The following RCOR1 variants were observed in gnomAD, a reference collection of about 807,000 sequenced individuals.
The protein encoded by RCOR1 is REST corepressor.
RCOR1 carries 12 observed loss-of-function variants against 64.0 expected under a neutral mutation model. That is an observed-to-expected ratio of 0.19 (90% CI 0.12 to 0.30). The LOEUF (loss-of-function observed/expected upper bound fraction) is 0.30, where lower values mean the gene tolerates loss of function less well. Among genes scored for constraint, RCOR1 ranks in the 10% least tolerant of loss-of-function variants. The pLI, the probability that RCOR1 is intolerant of heterozygous loss-of-function variation, is 1.00. For missense variants in RCOR1, 502 were observed against 621.2 expected, an observed-to-expected ratio of 0.81 and a Z score of 2.04; for synonymous variants, 279 against 227.2, an observed-to-expected ratio of 1.23 and a Z score of -2.05.
intron 2 of RCOR1, among the ~76,000 whole-genome samples, chr14:102,676,643 C>T (rs1290422235): frequency 6.3e-5 from 7 of 111,402 alleles, no homozygotes; most frequent in Admixed American, 5.6e-4. Flanking sequence ...CTGATCCCCC[C>T]ACCTCCCTCC....
chr14:102,654,384 G>T (rs1216197690), intron 2 of RCOR1, among the ~76,000 whole-genome samples: 1 of 152,136 alleles, frequency 6.6e-6, no homozygotes, highest in Non-Finnish European at 1.5e-5. Flanking sequence ...TAAAAATGAA[G>T]AGTAGGTAAA....
intron 3 of RCOR1, among the ~76,000 whole-genome samples, chr14:102,687,983 T>G (rs900387697): frequency 2.9e-5 from 4 of 138,216 alleles, no homozygotes; most frequent in African/African-American, 1.2e-4. Context: ...TTTTTTTTTT[T>G]GAGATAGAGG....
Position 102,719,116 on chromosome 14 carries a change from A to C in RCOR1, c.1054-1891A>C, listed in dbSNP as rs547276844. ...TAATTTTTTTTTGGCAGGGTCTGGC[A>C]CTGTCACCCAGGCTGAAGTGCAGTG... On this transcript the variant is annotated intron_variant, in intron 8 of 11. Transcript: ENST00000262241. 2.0e-5 allele frequency among the ~76,000 whole-genome samples: 3 copies of C among 151,946 alleles called. No homozygotes were observed. The East Asian group carries it at 5.8e-4, about 29-fold the overall frequency.
At chr14:102,629,785 G>A (rs950676563) in intron 2 of RCOR1, among the ~76,000 whole-genome samples, 2 of 152,154 alleles carry the variant, frequency 1.3e-5, no homozygotes, top group Non-Finnish European at 2.9e-5. Flanking sequence ...GTGTTAAAGA[G>A]ATTTACAAAC....
chr14:102,612,777 C>G (rs756609361), intron 2 of RCOR1, among the ~76,000 whole-genome samples: 3 of 151,594 alleles, frequency 2.0e-5, no homozygotes, highest in Non-Finnish European at 4.4e-5. Context: ...TTGCTTGATG[C>G]CAGGAGCTAG....
chr14:102,695,232 C>T (rs1429311272), intron 3 of RCOR1, among the ~76,000 whole-genome samples: 1 of 152,186 alleles, frequency 6.6e-6, no homozygotes, highest in Non-Finnish European at 1.5e-5. Flanking sequence ...TTTCTTACCC[C>T]TGCTTTCTGT....
chr14:102,728,272 G>T lies in RCOR1; in HGVS notation c.*1766G>T, dbSNP rs1369190510. ...CTCGTTCCCGTGCCAGGTGTGTGTT[G>T]GTCACGTAAAAGCCTGGGAAGCATC... is the stretch of plus-strand genomic sequence containing the variant. On this transcript the variant is annotated 3_prime_UTR_variant, in exon 12 of 12. Coordinates refer to ENST00000262241, the MANE Select transcript of RCOR1 (RefSeq NM_015156.4). 6.6e-6 allele frequency: 1 copy of T among 152,054 alleles called. No individual in the cohort carries two copies. Among genetic ancestry groups the T allele is most frequent in the Admixed American group, 6.6e-5 (1 of 15,248 alleles). The allele number at this position is 152,054 out of a possible 1,614,324, so 9.4% of individuals were successfully genotyped here.
At chr14:102,702,023 T>C (rs1895766385) in intron 4 of RCOR1, among the ~76,000 whole-genome samples, 1 of 152,246 alleles carries the variant, frequency 6.6e-6, no homozygotes, top group South Asian at 2.1e-4. Flanking sequence ...ACAAGATTTA[T>C]TTTTCTGCAA....
chr14:102,655,914 C>G, intron 2 of RCOR1: 1 of 913,772 alleles, frequency 1.1e-6, no homozygotes, highest in Non-Finnish European at 1.3e-6. Context: ...GATCGCGCCA[C>G]TGCACTCCAG....
intron 8 of RCOR1, among the ~76,000 whole-genome samples, chr14:102,719,771 A>G (rs1369735927): frequency 6.6e-6 from 1 of 152,226 alleles, no homozygotes; most frequent in African/African-American, 2.4e-5. Flanking sequence ...AGTGCAATAT[A>G]TACCCAGTTT....
At chr14:102,655,672 G>A (rs901514909) in intron 2 of RCOR1, 8 of 253,328 alleles carry the variant, frequency 3.2e-5, no homozygotes, top group Non-Finnish European at 5.0e-5. Context: ...GAAGGAGAAG[G>A]CTGAGCATAG....
intron 2 of RCOR1, among the ~76,000 whole-genome samples, chr14:102,633,725 G>C (rs1894174366): frequency 6.6e-6 from 1 of 151,768 alleles, no homozygotes; most frequent in South Asian, 2.1e-4. Flanking sequence ...TTTTAGTAGA[G>C]ACAGGGTTTC....
In RCOR1 at chr14:102,630,352, C is replaced by T. The variant is rs74082449; in HGVS notation, c.361+37027C>T. Among the ~76,000 whole-genome samples, 920 of 152,312 alleles carry T rather than the reference C, an allele frequency of 6.0e-3. 9 individuals are homozygous for T. The highest frequency in any genetic ancestry group is 0.021 in the African/African-American group (888 of 41,566). ...TTCACCAGATGCCCCATCTTCCAGC[C>T]GGCGGAATCATGAGCCAAGTGAATT... On this transcript the variant is annotated intron_variant, in intron 2 of 11. Coordinates refer to ENST00000262241, the MANE Select transcript of RCOR1 (RefSeq NM_015156.4).
At position 102,707,898 on chromosome 14, in the gene RCOR1, C is replaced by T. The variant is rs187936389; in HGVS notation, c.660+386C>T. On this transcript the variant is annotated intron_variant, in intron 5 of 11. Coordinates refer to ENST00000262241, the MANE Select transcript of RCOR1 (RefSeq NM_015156.4). ...CCGCCTCCCGGGTTCAAGCGATTCT[C>T]CTGCCTCAGCCTCCTGAGTAGCTTG... 5.4e-3 allele frequency among the ~76,000 whole-genome samples: 827 copies of T among 152,178 alleles called. 4 individuals are homozygous for T. Among genetic ancestry groups the T allele is most frequent in the Non-Finnish European group, 7.4e-3 (501 of 67,978 alleles).
chr14:102,647,284 T>A (rs1894496327), intron 2 of RCOR1, among the ~76,000 whole-genome samples: 1 of 152,178 alleles, frequency 6.6e-6, no homozygotes, highest in Non-Finnish European at 1.5e-5. Flanking sequence ...TGGAGCAGTG[T>A]CCTCAGAATT....
intron 3 of RCOR1, among the ~76,000 whole-genome samples, chr14:102,691,500 T>A (rs1895532891): frequency 6.6e-6 from 1 of 152,172 alleles, no homozygotes; most frequent in African/African-American, 2.4e-5. Flanking sequence ...TTGACTTGGG[T>A]GTGAGCAGCA....
intron 2 of RCOR1, among the ~76,000 whole-genome samples, chr14:102,678,447 A>G (rs1231005241): frequency 1.3e-5 from 2 of 152,046 alleles, no homozygotes; most frequent in Non-Finnish European, 2.9e-5. Context: ...CTGCAGGCAC[A>G]CACCACCACA....
chr14:102,669,191 C>G (rs1158179587), intron 2 of RCOR1, among the ~76,000 whole-genome samples: 6 of 151,936 alleles, frequency 3.9e-5, no homozygotes, highest in African/African-American at 1.5e-4. Context: ...TTCCTGTAAT[C>G]CTATCTACTT....
chr14:102,643,565 G>A (rs970814233), intron 2 of RCOR1, among the ~76,000 whole-genome samples: 1 of 152,196 alleles, frequency 6.6e-6, no homozygotes, highest in African/African-American at 2.4e-5. Context: ...GAGGCACCAG[G>A]TATCTTCAGA....
Sources: allele counts gnomAD v4.1 joint callset (sites outside exome capture counted in the v4.1 genomes callset), GRCh38; gene constraint gnomAD v4.1.1; transcripts MANE v1.5; gene names NCBI Gene and HGNC (gene_info 2026-07-23, HGNC 2026-07-21).